PHC2: variants seen among roughly 807,000 people sequenced by gnomAD.
PHC2 encodes polyhomeotic homolog 2.
Under a neutral mutation model 87.4 loss-of-function variants are expected in PHC2, and 29 were observed. The observed-to-expected ratio is 0.33, with a 90% confidence interval of 0.25 to 0.45. PHC2 has a LOEUF of 0.45. Among genes scored for constraint, PHC2 ranks in the 20% least tolerant of loss-of-function variants. PHC2 has a pLI of 1.00. For synonymous variants in PHC2, 438 were observed against 461.7 expected, an observed-to-expected ratio of 0.95 and a Z score of 0.66; for missense variants, 857 against 1,136.7, an observed-to-expected ratio of 0.75 and a Z score of 3.54.
At chr1:33,409,111 T>C (rs1225059328) in intron 1 of PHC2, among the ~76,000 whole-genome samples, 1 of 152,208 alleles carries the variant, frequency 6.6e-6, no homozygotes, top group Non-Finnish European at 1.5e-5. Context: ...GAAAGACATA[T>C]AAATTGGGGT....
At chr1:33,394,829 C>T (rs4653119) in intron 1 of PHC2, among the ~76,000 whole-genome samples, 32,577 of 152,098 alleles carry the variant, frequency 0.21, 6,022 homozygotes, top group African/African-American at 0.51. Flanking sequence ...CTTGGCCTCC[C>T]GAAGTGTTGG....
chr1:33,367,272 C>T lies in PHC2; in HGVS notation c.820G>A (p.Ala274Thr), dbSNP rs200661676. ...TPAQSRNTAQ[A>T]SPAGAKPGIA... ...CCAGGCTTGGCACCTGCAGGGGAAG[C>T]CTGAGCAGTATTTCTGCTCTGTGCT... The change falls in exon 7 of 15, where the codon GCT becomes ACT. Residue 274 changes from alanine to threonine, a missense_variant. This residue lies in a region of PHC2 where 832 missense variants were observed against 1,081.8 expected (regional missense o/e 0.77). Transcript: ENST00000683057. 5.0e-5 allele frequency: 81 copies of T among 1,614,168 alleles called. No individual in the cohort carries two copies. In the East Asian group the frequency reaches 1.7e-3, roughly 33 times the overall value.
intron 4 of PHC2, 143 bp from the exon 5 acceptor site, chr1:33,370,728 G>A: frequency 1.2e-6 from 1 of 818,672 alleles, no homozygotes; most frequent in Non-Finnish European, 1.9e-6. Context: ...TGGCTTTGGA[G>A]CAATCCCCCA....
chr1:33,330,259 A>G (rs773007740), intron 12 of PHC2, 47 bp from the exon 13 acceptor site: 3 of 1,604,864 alleles, frequency 1.9e-6, no homozygotes, highest in Non-Finnish European at 2.6e-6. Context: ...CATTGTGCTT[A>G]TGGGCCGTAG....
intron 9 of PHC2, among the ~76,000 whole-genome samples, chr1:33,343,190 C>T (rs997942647): frequency 1.3e-5 from 2 of 151,970 alleles, no homozygotes; most frequent in Non-Finnish European, 2.9e-5. Context: ...CGGCCAGGTA[C>T]AGTGGCTCAT....
rs777176828 is a variant in PHC2 at position 33,331,797 on chromosome 1, C to T, written c.1892-335G>A. On this transcript the variant is annotated intron_variant, in intron 11 of 14. Transcript: ENST00000683057. The surrounding 1 kb of genome is among the most constrained non-coding windows in gnomAD (Gnocchi z 5.2). ...ACTCTGGATGCTGTCACAGCTGCTC[C>T]GCTGGCATCATCACACCTTGATCTA... 10 of 300,016 alleles carry T rather than the reference C, an allele frequency of 3.3e-5. No homozygotes were observed. Among genetic ancestry groups the T allele is most frequent in the East Asian group, 7.2e-5 (1 of 13,928 alleles). 18.6% of individuals were successfully genotyped at this position (300,016 alleles called of 1,614,324 possible).
chr1:33,354,342 G>A (rs1647027541), intron 9 of PHC2, 59 bp downstream of exon 9: 3 of 1,489,322 alleles, frequency 2.0e-6, no homozygotes, highest in Admixed American at 1.9e-5. Flanking sequence ...AAATGTGCCA[G>A]GGCATGGCAA....
intron 5 of PHC2, among the ~76,000 whole-genome samples, chr1:33,370,099 G>C (rs1369937002): frequency 6.6e-6 from 1 of 152,048 alleles, no homozygotes; most frequent in Non-Finnish European, 1.5e-5. Context: ...GGACCACCTG[G>C]GCATGAACCA....
chr1:33,426,602 G>A (rs1028447819), intron 1 of PHC2, among the ~76,000 whole-genome samples: 2 of 152,192 alleles, frequency 1.3e-5, no homozygotes, highest in African/African-American at 4.8e-5. Flanking sequence ...CCAGAAGTCA[G>A]TCTAAGTAAG....
At chr1:33,376,774 C>T (rs1648207142) in intron 1 of PHC2, among the ~76,000 whole-genome samples, 1 of 152,076 alleles carries the variant, frequency 6.6e-6, no homozygotes, top group South Asian at 2.1e-4. Context: ...ACTATAAATA[C>T]AAAAATTAGT....
chr1:33,397,926 C>A (rs1017865293), intron 1 of PHC2, among the ~76,000 whole-genome samples: 11 of 152,070 alleles, frequency 7.2e-5, no homozygotes, highest in African/African-American at 2.7e-4. Flanking sequence ...GGGAGGCATG[C>A]TTTTCACCGT....
chr1:33,335,867 T>C (rs1253360184), intron 9 of PHC2, among the ~76,000 whole-genome samples: 1 of 136,130 alleles, frequency 7.3e-6, no homozygotes, highest in Non-Finnish European at 1.6e-5. Flanking sequence ...GCCACCCCCC[T>C]CCAGCCTGGG....
rs534755272 is a variant in PHC2 at position 33,390,303 on chromosome 1, C to T, written c.-54-14710G>A. The stretch of plus-strand genomic sequence containing the variant: ...TATTTTTAACTTATCCATTTATGGA[C>T]ATTTTCAATACTAATCTTGTTTTTC... On this transcript the variant is annotated intron_variant, in intron 1 of 14. Transcript: ENST00000683057. Among the ~76,000 whole-genome samples the T allele has an allele frequency of 2.6e-5, 4 of 152,222 alleles. No homozygotes were observed. In the East Asian group the frequency reaches 5.8e-4, roughly 22 times the overall value.
intron 1 of PHC2, among the ~76,000 whole-genome samples, chr1:33,400,905 C>T (rs778268610): frequency 4.6e-5 from 7 of 151,890 alleles, no homozygotes; most frequent in Admixed American, 1.3e-4. Flanking sequence ...GGTATGTCAA[C>T]GCATCATCAT....
Position 33,349,711 on chromosome 1 carries a change from T to C in PHC2, c.1558+4690A>G. 1 of 992,974 alleles carries C rather than the reference T, an allele frequency of 1.0e-6. No homozygotes were observed. The highest frequency in any genetic ancestry group is 1.2e-6 in the Non-Finnish European group (1 of 834,616). 61.5% of individuals were successfully genotyped at this position (992,974 alleles called of 1,614,324 possible). A position where few individuals can be genotyped will look rare whatever the true frequency, so the allele number is the denominator to read the frequency against. On this transcript the variant is annotated intron_variant, in intron 9 of 14. Coordinates refer to ENST00000683057, the MANE Select transcript of PHC2 (RefSeq NM_001385109.1). The surrounding 1 kb of genome is among the most constrained non-coding windows in gnomAD (Gnocchi z 4.2). ...GGCCGCCTCCTCTCCGCCGGGAGCCTCCGAGCCGGGGCCCGGGGCTGCCGC... is the reference window on the plus strand; with the variant it reads ...GGCCGCCTCCTCTCCGCCGGGAGCCCCCGAGCCGGGGCCCGGGGCTGCCGC...
chr1:33,326,023 TA>T (rs1191731833), intron 14 of PHC2: 7 of 368,438 alleles, frequency 1.9e-5, no homozygotes, highest in Non-Finnish European at 3.8e-5. Flanking sequence ...TGTTATGAAA[TA>T]AAAGAACATT....
chr1:33,332,423 G>C lies in PHC2; in HGVS notation c.1762-19C>G. 1 of 1,614,026 alleles carries C rather than the reference G, an allele frequency of 6.2e-7. No homozygotes were observed. Among genetic ancestry groups the C allele is most frequent in the Non-Finnish European group, 8.5e-7 (1 of 1,179,946 alleles). Reference sequence around the variant, plus strand: ...GTCCCACCTAGAGGACAGGTAACACGGAGGCCGTGAGGGTCAGGTGGGAGC... The same window carrying C: ...GTCCCACCTAGAGGACAGGTAACACCGAGGCCGTGAGGGTCAGGTGGGAGC... On this transcript the variant is annotated intron_variant, in intron 10 of 14. Coordinates refer to ENST00000683057, the MANE Select transcript of PHC2 (RefSeq NM_001385109.1). The surrounding 1 kb of genome is among the most constrained non-coding windows in gnomAD (Gnocchi z 4.2).
chr1:33,423,000 T>G (rs1395310894), intron 1 of PHC2, among the ~76,000 whole-genome samples: 1 of 152,112 alleles, frequency 6.6e-6, no homozygotes, highest in African/African-American at 2.4e-5. Flanking sequence ...AGGTAGGGAC[T>G]GTGATTCTCC....
chr1:33,334,260 C>G lies in PHC2; in HGVS notation c.1591G>C (p.Asp531His). Residue 531 changes from aspartate (D) to histidine (H), a missense_variant, in exon 10 of 15, where the codon GAC (aspartate) becomes CAC (histidine). Asp to His is a moderately conservative substitution (Grantham distance 81). Transcript: ENST00000683057. This position sits in a 1 kb window ranked among gnomAD's most constrained non-coding sequence, Gnocchi z 5.5. ...TGQGIVHALT[D>H]LSSPGMTSGN... ...GAGGTCATGCCGGGGCTGCTGAGGTCGGTCAGTGCATGAACAATGCCCTGC... is the reference window on the plus strand; with the variant it reads ...GAGGTCATGCCGGGGCTGCTGAGGTGGGTCAGTGCATGAACAATGCCCTGC... 1.9e-6 allele frequency: 3 copies of G among 1,611,860 alleles called. No individual in the cohort carries two copies. Among genetic ancestry groups the G allele is most frequent in the Non-Finnish European group, 2.5e-6 (3 of 1,179,426 alleles).
Sources: gnomAD v4.1 joint callset for allele counts (sites outside exome capture counted in the v4.1 genomes callset) on GRCh38, gnomAD v4.1.1 for gene constraint, gnomAD v4.1.1 regional missense constraint, Gnocchi (gnomAD v3.1) non-coding constraint, MANE v1.5 for transcripts, NCBI Gene and HGNC (gene_info 2026-07-23, HGNC 2026-07-21) for gene names.